Variants in GPAT3 observed in about 807,000 individuals in gnomAD.
The protein encoded by GPAT3 is glycerol-3-phosphate acyltransferase 3, also known as 1-AGP acyltransferase 9.
In GPAT3, 53 loss-of-function variants were observed where a neutral mutation model predicts 58.8. The ratio of observed to expected loss-of-function variants is 0.90; its 90% CI spans 0.72 to 1.13. The LOEUF is 1.13. Among genes scored for constraint, GPAT3 ranks in the 50% most tolerant of loss-of-function variants. The pLI, the probability that GPAT3 is intolerant of heterozygous loss-of-function variation, is 0.00. For missense variants in GPAT3, 511 were observed against 527.6 expected (o/e 0.97, Z 0.31); for synonymous variants, 197 against 187.4 (o/e 1.05, Z -0.42).
chr4:83,586,889 C>T (rs955277613), intron 3 of GPAT3, among the ~76,000 whole-genome samples: 3 of 152,198 alleles, frequency 2.0e-5, no homozygotes, highest in Non-Finnish European at 2.9e-5. Context: ...TAAATCTATT[C>T]CCTTCACTAG....
intron 11 of GPAT3, 118 bp downstream of exon 11, chr4:83,598,841 T>C: frequency 1.4e-6 from 1 of 715,974 alleles, no homozygotes; most frequent in Non-Finnish European, 2.2e-6. Flanking sequence ...TGATCATAGT[T>C]CACTGTAGCC....
Position 83,598,054 on chromosome 4 carries a change from A to C in GPAT3, c.1000A>C (p.Asn334His). ...GATGTATTTTCTTTTTTCTCAGTAT[A>C]ACCCTCAGTTCGGTGATGCATTTTG... ...GTIHPVAIKY[N>H]PQFGDAFWNS... is the part of the protein sequence containing the mutation. Residue 334 changes from asparagine to histidine, a missense_variant, in exon 10 of 12, where the codon AAC (asparagine) becomes CAC (histidine). By Grantham distance (68) the Asn-to-His change is moderately conservative. Coordinates refer to ENST00000264409, the MANE Select transcript of GPAT3 (RefSeq NM_032717.5). 6.2e-7 allele frequency: 1 copy of C among 1,613,648 alleles called. No individual in the cohort carries two copies. Among genetic ancestry groups the C allele is most frequent in the South Asian group, 1.1e-5 (1 of 91,024 alleles).
Position 83,598,099 on chromosome 4 carries a change from A to C in GPAT3, c.1045A>C (p.Met349Leu). The C allele has an allele frequency of 1.9e-6, 3 of 1,613,762 alleles. No individual in the cohort carries two copies. Among genetic ancestry groups the C allele is most frequent in the Non-Finnish European group, 2.5e-6 (3 of 1,179,900 alleles). The change falls in exon 10 of 12, where the codon ATG becomes CTG. Residue 349 changes from methionine to leucine, a missense_variant. Coordinates refer to ENST00000264409, the MANE Select transcript of GPAT3 (RefSeq NM_032717.5). ...DAFWNSSKYN[M>L]VSYLLRMMTS... ...ATTTTGGAACAGTAGTAAATACAACATGGTGAGCTACCTGCTTCGAATGAT... is the reference window on the plus strand; with the variant it reads ...ATTTTGGAACAGTAGTAAATACAACCTGGTGAGCTACCTGCTTCGAATGAT...
At chr4:83,578,992 C>T (rs1725948390) in intron 2 of GPAT3, among the ~76,000 whole-genome samples, 6 of 110,894 alleles carry the variant, frequency 5.4e-5, no homozygotes, top group African/African-American at 2.5e-4. Flanking sequence ...TTCTTTCCTT[C>T]CTTCCTTCCT....
At position 83,562,795 on chromosome 4, in the gene GPAT3, T is replaced by TATAGACAGACAGATAGATAGATAG. The variant is rs138756388; in HGVS notation, c.208+18198_208+18199insCAGACAGATAGATAGATAGATAGA. Among the ~76,000 whole-genome samples the TATAGACAGACAGATAGATAGATAG allele has an allele frequency of 2.7e-3, 400 of 150,620 alleles. 2 individuals carry two copies. The highest frequency in any genetic ancestry group is 9.3e-3 in the African/African-American group (380 of 40,804). ...GGAAACAGAGAGAGATAGAAAGAGATATAGATAGATAGATAGATAGATAGA... is the reference window on the plus strand; with the variant it reads ...GGAAACAGAGAGAGATAGAAAGAGATATAGACAGACAGATAGATAGATAGATAGATAGATAGATAGATAGATAGA... On this transcript the variant is annotated intron_variant, in intron 2 of 11. Coordinates refer to ENST00000264409, the MANE Select transcript of GPAT3 (RefSeq NM_032717.5).
intron 11 of GPAT3, among the ~76,000 whole-genome samples, chr4:83,602,296 T>C (rs1727082568): frequency 6.6e-6 from 1 of 152,046 alleles, no homozygotes. Flanking sequence ...TCCATCAGAG[T>C]GGCTGAACTA....
At chr4:83,566,446 A>ATTATTATTATTATTT (rs1283956123) in intron 2 of GPAT3, among the ~76,000 whole-genome samples, 1 of 148,372 alleles carries the variant, frequency 6.7e-6, no homozygotes, top group African/African-American at 2.5e-5. Flanking sequence ...TATTATTATT[A>ATTATTATTATTATTT]TTTTTAATAG....
intron 2 of GPAT3, among the ~76,000 whole-genome samples, chr4:83,569,135 A>G (rs1725511377): frequency 6.6e-6 from 1 of 152,172 alleles, no homozygotes; most frequent in African/African-American, 2.4e-5. Flanking sequence ...CAAAATGATA[A>G]TGTTATTCAG....
intron 2 of GPAT3, among the ~76,000 whole-genome samples, chr4:83,563,818 A>T (rs1015839518): frequency 5.9e-5 from 9 of 152,128 alleles, no homozygotes; most frequent in Non-Finnish European, 1.0e-4. Context: ...AACACCAAAC[A>T]TGATGTCCTA....
At chr4:83,552,926 T>G (rs1724807724) in intron 2 of GPAT3, among the ~76,000 whole-genome samples, 1 of 152,162 alleles carries the variant, frequency 6.6e-6, no homozygotes, top group African/African-American at 2.4e-5. Flanking sequence ...CCTTCCATCA[T>G]GTGAGGACAC....
In GPAT3 at chr4:83,587,347, A is replaced by G; in HGVS notation, c.554+18A>G. 6.2e-7 allele frequency: 1 copy of G among 1,602,128 alleles called. No homozygotes were observed. Among genetic ancestry groups the G allele is most frequent in the South Asian group, 1.1e-5 (1 of 90,560 alleles). On this transcript the variant is annotated intron_variant, in intron 4 of 11. Coordinates refer to ENST00000264409, the MANE Select transcript of GPAT3 (RefSeq NM_032717.5). ...GACAGCAGGTGAAATGTTTCCTTCCATCCAGCCATATATAGGACTGTCTTT... is the reference window on the plus strand; with the variant it reads ...GACAGCAGGTGAAATGTTTCCTTCCGTCCAGCCATATATAGGACTGTCTTT...
chr4:83,564,808 A>G (rs1030182424), intron 2 of GPAT3, among the ~76,000 whole-genome samples: 8 of 152,164 alleles, frequency 5.3e-5, no homozygotes, highest in African/African-American at 1.9e-4. Context: ...TACTGTGCAG[A>G]CATTTTTCAT....
intron 2 of GPAT3, among the ~76,000 whole-genome samples, chr4:83,550,224 G>C (rs1334033907): frequency 2.0e-5 from 3 of 151,300 alleles, no homozygotes; most frequent in Non-Finnish European, 4.4e-5. Flanking sequence ...TATACAGCTA[G>C]GTTTCACCAT....
intron 7 of GPAT3, 127 bp from the exon 8 acceptor site, chr4:83,596,731 T>G (rs181193775): frequency 1.4e-6 from 1 of 706,916 alleles, no homozygotes; most frequent in East Asian, 2.8e-5. Context: ...TTATTTCTTT[T>G]ACCTGTATCT....
At chr4:83,585,980 G>A (rs983988389) in intron 3 of GPAT3, among the ~76,000 whole-genome samples, 1 of 150,512 alleles carries the variant, frequency 6.6e-6, no homozygotes, top group Non-Finnish European at 1.5e-5. Flanking sequence ...CTGGAGCCCT[G>A]GGTTCAAATC....
Position 83,588,306 on chromosome 4 carries a change from A to G in GPAT3, c.644+7A>G. Reference sequence around the variant, plus strand: ...CCATTCATTATCATAACAAGTGAGTATCTGCTCCAATGTGCCTGTCTTTTT... The same window carrying G: ...CCATTCATTATCATAACAAGTGAGTGTCTGCTCCAATGTGCCTGTCTTTTT... On this transcript the variant is annotated splice_region_variant and intron_variant, in intron 5 of 11. Transcript: ENST00000264409. 2 of 1,460,132 alleles carry G rather than the reference A, an allele frequency of 1.4e-6. 1 individual carries two copies. The highest frequency in any genetic ancestry group is 1.8e-6 in the Non-Finnish European group (2 of 1,110,396). 90.4% of individuals were successfully genotyped at this position (1,460,132 alleles called of 1,614,324 possible).
At chr4:83,585,571 G>C (rs1430592705) in intron 3 of GPAT3, among the ~76,000 whole-genome samples, 1 of 151,414 alleles carries the variant, frequency 6.6e-6, no homozygotes, top group Non-Finnish European at 1.5e-5. Flanking sequence ...TATTGATGGA[G>C]TGTTTCTCCA....
At chr4:83,572,316 T>C (rs1459846414) in intron 2 of GPAT3, among the ~76,000 whole-genome samples, 1 of 152,202 alleles carries the variant, frequency 6.6e-6, no homozygotes, top group African/African-American at 2.4e-5. Flanking sequence ...AAAATTTAGA[T>C]GAGGAAATTG....
chr4:83,598,133 G>A lies in GPAT3; in HGVS notation c.1079G>A (p.Trp360Ter). ...TACCTGCTTCGAATGATGACCAGCT[G>A]GGCCATCGTCTGTGACGTGTGGTAC... ...VSYLLRMMTS[W>*]AIVCDVWYMP... The change falls in exon 10 of 12, where the codon TGG becomes TAG. Residue 360 changes from tryptophan to a stop codon, truncating the protein, a stop_gained. Transcript: ENST00000264409. LOFTEE classifies it high-confidence loss of function. The A allele has an allele frequency of 6.2e-7, 1 of 1,613,562 alleles. No homozygotes were observed. Among genetic ancestry groups the A allele is most frequent in the East Asian group, 2.2e-5 (1 of 44,830 alleles).
Sources: gnomAD v4.1 joint callset for allele counts (sites outside exome capture counted in the v4.1 genomes callset) on GRCh38, gnomAD v4.1.1 for gene constraint, MANE v1.5 for transcripts, NCBI Gene and HGNC (gene_info 2026-07-23, HGNC 2026-07-21) for gene names.